Variants in ETS2 observed in about 807,000 individuals in gnomAD.
ETS2 encodes protein C-ets-2.
A neutral mutation model predicts 54.9 loss-of-function variants in ETS2; 19 were observed. The ratio of observed to expected loss-of-function variants is 0.35; its 90% CI spans 0.24 to 0.51. The LOEUF (loss-of-function observed/expected upper bound fraction) is 0.51, where lower values mean the gene tolerates loss of function less well. ETS2 is among the 20% of genes least tolerant of loss of function. The pLI is 0.97. For synonymous variants in ETS2, 219 were observed against 229.3 expected (o/e 0.95, Z 0.41); for missense variants, 417 against 593.0 (o/e 0.70, Z 3.08).
At chr21:38,808,484 CTT>C (rs1484173504) in intron 1 of ETS2, among the ~76,000 whole-genome samples, 3 of 152,076 alleles carry the variant, frequency 2.0e-5, no homozygotes, top group African/African-American at 7.2e-5. Flanking sequence ...GCTGACCAGC[CTT>C]TGTTGGCTAC....
At chr21:38,811,939 C>A (rs2060915418) in intron 2 of ETS2, among the ~76,000 whole-genome samples, 1 of 152,210 alleles carries the variant, frequency 6.6e-6, no homozygotes. Flanking sequence ...CAGACTTGAA[C>A]TCCTGGGCTC....
intron 1 of ETS2, among the ~76,000 whole-genome samples, chr21:38,808,302 T>C (rs2060901086): frequency 6.6e-6 from 1 of 152,194 alleles, no homozygotes; most frequent in South Asian, 2.1e-4. Context: ...GCTTAGCTCT[T>C]AGTAACTAGG....
At chr21:38,812,530 C>CTTT (rs2060917534) in intron 2 of ETS2, among the ~76,000 whole-genome samples, 1 of 152,212 alleles carries the variant, frequency 6.6e-6, no homozygotes, top group Non-Finnish European at 1.5e-5. Context: ...CCTGTAATCC[C>CTTT]AGCACTTTGG....
Position 38,819,587 on chromosome 21 carries a change from A to G in ETS2, c.896A>G (p.Gln299Arg). The change falls in exon 8 of 10, where the codon CAG becomes CGG. Residue 299 changes from glutamine (Q) to arginine (R), a missense_variant. Physicochemically the swap from Gln to Arg is conservative, Grantham distance 43. This residue lies in a region of ETS2 where 326 missense variants were observed against 426.1 expected (regional missense o/e 0.76). Transcript: ENST00000360938. Reference sequence around the variant, plus strand: ...TCCCTCCTCCAGTCCTGGAACAGCCAGTCGTCCTTGCTGGATGTGCAACGG... The same window carrying G: ...TCCCTCCTCCAGTCCTGGAACAGCCGGTCGTCCTTGCTGGATGTGCAACGG... ...SDSLLQSWNS[Q>R]SSLLDVQRVP... 1 of 1,614,224 alleles carries G rather than the reference A, an allele frequency of 6.2e-7. No individual in the cohort carries two copies. Among genetic ancestry groups the G allele is most frequent in the Non-Finnish European group, 8.5e-7 (1 of 1,180,026 alleles).
chr21:38,806,784 G>C lies in ETS2; in HGVS notation c.-1+664G>C, dbSNP rs745751295. On this transcript the variant is annotated intron_variant, in intron 1 of 9. Coordinates refer to ENST00000360938, the MANE Select transcript of ETS2 (RefSeq NM_005239.6). The surrounding 1 kb of genome is among the most constrained non-coding windows in gnomAD (Gnocchi z 4.3). Reference sequence around the variant, plus strand: ...TGCGCTGGGCTGCCTTTATTTTCTCGTTCCTACAGCATTTGAATGAAGAGG... The same window carrying C: ...TGCGCTGGGCTGCCTTTATTTTCTCCTTCCTACAGCATTTGAATGAAGAGG... The C allele has an allele frequency of 1.0e-6, 1 of 985,440 alleles. No homozygotes were observed. The highest frequency in any genetic ancestry group is 1.1e-4 in the East Asian group (1 of 8,808). The allele number at this position is 985,440 out of a possible 1,614,324, so 61.0% of individuals were successfully genotyped here.
chr21:38,806,226 G>C lies in ETS2; in HGVS notation c.-1+106G>C. On this transcript the variant is annotated intron_variant, in intron 1 of 9. Coordinates refer to ENST00000360938, the MANE Select transcript of ETS2 (RefSeq NM_005239.6). This position sits in a 1 kb window ranked among gnomAD's most constrained non-coding sequence, Gnocchi z 4.3. ...CGGGGGGCACTGACACGCAGATCTC[G>C]GGGCGCTGCCGGGGGTGCAGGTGGG... 1 of 990,210 alleles carries C rather than the reference G, an allele frequency of 1.0e-6. No individual in the cohort carries two copies. 61.3% of individuals were successfully genotyped at this position (990,210 alleles called of 1,614,324 possible). A position where few individuals can be genotyped will look rare whatever the true frequency, so the allele number is the denominator to read the frequency against.
intron 2 of ETS2, among the ~76,000 whole-genome samples, chr21:38,812,535 C>T (rs905751384): frequency 7.9e-5 from 12 of 152,356 alleles, no homozygotes; most frequent in Middle Eastern, 3.4e-3. Flanking sequence ...AATCCCAGCA[C>T]TTTGGGAGGC....
Position 38,806,865 on chromosome 21 carries a change from T to A in ETS2, c.-1+745T>A. 1 of 984,310 alleles carries A rather than the reference T, an allele frequency of 1.0e-6. No individual in the cohort carries two copies. 61.0% of individuals were successfully genotyped at this position (984,310 alleles called of 1,614,324 possible). A position where few individuals can be genotyped will look rare whatever the true frequency, so the allele number is the denominator to read the frequency against. ...TTGCGTGTGTGTTATCCTATTTTAT[T>A]TTTTACGGCAGGAGACCTTTTATGT... On this transcript the variant is annotated intron_variant, in intron 1 of 9. Coordinates refer to ENST00000360938, the MANE Select transcript of ETS2 (RefSeq NM_005239.6). The surrounding 1 kb of genome is among the most constrained non-coding windows in gnomAD (Gnocchi z 4.3).
At chr21:38,817,851 A>G (rs982479529) in intron 6 of ETS2, among the ~76,000 whole-genome samples, 1 of 152,142 alleles carries the variant, frequency 6.6e-6, no homozygotes, top group Non-Finnish European at 1.5e-5. Context: ...TCTCTGCCCC[A>G]CTGGGGGCTT....
rs149674474 is a variant in ETS2 at position 38,822,841 on chromosome 21, C to T, written c.1362C>T (p.Pro454=). 5.6e-5 allele frequency: 90 copies of T among 1,608,014 alleles called. No homozygotes were observed. The African/African-American group carries it at 8.7e-4, about 16-fold the overall frequency. Residue 454 remains proline (P), a synonymous_variant, in exon 10 of 10, where the codon CCC becomes CCT. Transcript: ENST00000360938. ...CDLQNLLGFT[P]EELHAILGVQ... ...TCCAGAACTTGCTGGGGTTCACGCC[C>T]GAGGAACTGCACGCCATCCTGGGCG... is the stretch of plus-strand genomic sequence containing the variant.
chr21:38,822,963 G>A lies in ETS2; in HGVS notation c.*74G>A, dbSNP rs1021702154. The A allele has an allele frequency of 4.5e-5, 54 of 1,193,326 alleles. No homozygotes were observed. Among genetic ancestry groups the A allele is most frequent in the Non-Finnish European group, 5.8e-5 (51 of 878,546 alleles). 73.9% of individuals were successfully genotyped at this position (1,193,326 alleles called of 1,614,324 possible). The stretch of plus-strand genomic sequence containing the variant: ...GAAGCCCATCCTGACCAGCTGCTCC[G>A]AGGACCCAGGAAAGGCAGGATTGAA... On this transcript the variant is annotated 3_prime_UTR_variant, in exon 10 of 10. Transcript: ENST00000360938.
chr21:38,814,205 T>C lies in ETS2; in HGVS notation c.185-68T>C, dbSNP rs778496512. On this transcript the variant is annotated intron_variant, in intron 3 of 9. Coordinates refer to ENST00000360938, the MANE Select transcript of ETS2 (RefSeq NM_005239.6). This position sits in a 1 kb window ranked among gnomAD's most constrained non-coding sequence, Gnocchi z 4.2. ...GTTCTTTTCCAAAAACTAAGATGTC[T>C]CTCCTAAATCTCCACCTGATATCAC... 1 of 1,494,240 alleles carries C rather than the reference T, an allele frequency of 6.7e-7. No individual in the cohort carries two copies. Among genetic ancestry groups the C allele is most frequent in the Non-Finnish European group, 9.2e-7 (1 of 1,090,036 alleles). 92.6% of individuals were successfully genotyped at this position (1,494,240 alleles called of 1,614,324 possible). A position where few individuals can be genotyped will look rare whatever the true frequency, so the allele number is the denominator to read the frequency against.
Position 38,814,988 on chromosome 21 carries a change from G to C in ETS2, c.505+7G>C. The stretch of plus-strand genomic sequence containing the variant: ...CTGGAGCAAATGATCAAAGGTACCA[G>C]CTGAACGTCTTACTTCTCCTTGTCC... On this transcript the variant is annotated splice_region_variant and intron_variant, in intron 5 of 9. Transcript: ENST00000360938. This position sits in a 1 kb window ranked among gnomAD's most constrained non-coding sequence, Gnocchi z 4.2. 1 of 1,613,556 alleles carries C rather than the reference G, an allele frequency of 6.2e-7. No homozygotes were observed. Among genetic ancestry groups the C allele is most frequent in the South Asian group, 1.1e-5 (1 of 91,052 alleles).
intron 7 of ETS2, 110 bp downstream of exon 7, chr21:38,818,756 G>A (rs988371237): frequency 8.7e-6 from 11 of 1,260,440 alleles, no homozygotes; most frequent in African/African-American, 7.3e-5. Flanking sequence ...TAGAGAAGGG[G>A]GTCAAAGCCC....
In ETS2 at chr21:38,815,048, A is replaced by G. The variant is rs958866800; in HGVS notation, c.505+67A>G. 4 of 1,504,012 alleles carry G rather than the reference A, an allele frequency of 2.7e-6. No homozygotes were observed. The African/African-American group carries it at 5.5e-5, about 21-fold the overall frequency. The allele number at this position is 1,504,012 out of a possible 1,614,324, so 93.2% of individuals were successfully genotyped here. ...TGTGGCCGGGAAGACTGATTGGGAA[A>G]GTCACGTGGGTGTTCTTCAACCTTA... On this transcript the variant is annotated intron_variant, in intron 5 of 9. Transcript: ENST00000360938.
intron 8 of ETS2, among the ~76,000 whole-genome samples, chr21:38,820,416 G>A (rs2060953289): frequency 6.6e-6 from 1 of 152,116 alleles, no homozygotes; most frequent in Non-Finnish European, 1.5e-5. Flanking sequence ...GGATACTGAG[G>A]CATTCATTCT....
upstream of ETS2, chr21:38,805,801 C>G: frequency 4.6e-6 from 4 of 864,846 alleles, no homozygotes; most frequent in Non-Finnish European, 6.1e-6. This position sits in a 1 kb window ranked among gnomAD's most constrained non-coding sequence, Gnocchi z 5.2. Flanking sequence ...CTCTCCTCCC[C>G]TTCCCTCCCC....
Position 38,818,636 on chromosome 21 carries a change from C to T in ETS2, c.801C>T (p.Thr267=). 6.2e-7 allele frequency: 1 copy of T among 1,614,128 alleles called. No homozygotes were observed. The highest frequency in any genetic ancestry group is 8.5e-7 in the Non-Finnish European group (1 of 1,180,020). ...DFPGSNLNLL[T]NNSGTPKDHD... is the part of the protein sequence containing the mutation. ...CAGGCAGCAACTTGAATTTGCTCAC[C>T]AACAATTCTGGTAAGATTGGAAGCA... Residue 267 remains threonine (T), a synonymous_variant, in exon 7 of 10, where the codon ACC becomes ACT. Transcript: ENST00000360938.
chr21:38,822,450 G>T (rs2060962023), intron 9 of ETS2, among the ~76,000 whole-genome samples: 1 of 152,136 alleles, frequency 6.6e-6, no homozygotes, highest in Non-Finnish European at 1.5e-5. Context: ...AGGGAGCAGG[G>T]ACCTCATTCC....
Sources: gnomAD v4.1 joint callset for allele counts (sites outside exome capture counted in the v4.1 genomes callset) on GRCh38, gnomAD v4.1.1 for gene constraint, gnomAD v4.1.1 regional missense constraint, Gnocchi (gnomAD v3.1) non-coding constraint, MANE v1.5 for transcripts, NCBI Gene and HGNC (gene_info 2026-07-23, HGNC 2026-07-21) for gene names.